Variants in NRXN1 observed in about 807,000 individuals in gnomAD.
NRXN1 encodes the protein neurexin-1.
Under a neutral mutation model 150.9 loss-of-function variants are expected in NRXN1, and 39 were observed. The ratio of observed to expected loss-of-function variants is 0.26; its 90% CI spans 0.20 to 0.34. The LOEUF is 0.34. Among genes scored for constraint, NRXN1 ranks in the 10% least tolerant of loss-of-function variants. The pLI is 1.00. For missense variants in NRXN1, 1,815 were observed against 1,949.9 expected (o/e 0.93, Z 1.30); for synonymous variants, 924 against 757.0 (o/e 1.22, Z -3.62).
intron 17 of NRXN1, among the ~76,000 whole-genome samples, chr2:50,407,858 CTGTTA>C (rs1286303266): frequency 3.9e-5 from 6 of 152,232 alleles, no homozygotes; most frequent in Non-Finnish European, 7.4e-5. Context: ...TTCAAGTATT[CTGTTA>C]TAAGTAACAG....
intron 5 of NRXN1, among the ~76,000 whole-genome samples, chr2:50,893,827 C>T (rs569127443): frequency 1.3e-5 from 2 of 152,188 alleles, no homozygotes; most frequent in South Asian, 4.1e-4. Context: ...TGTTCAATTT[C>T]CACCTATGAG....
chr2:50,730,672 C>CTTTTTTTTTTTTTTTTTT (rs56042523), intron 5 of NRXN1, among the ~76,000 whole-genome samples: 2 of 122,026 alleles, frequency 1.6e-5, no homozygotes, highest in Non-Finnish European at 3.3e-5. Flanking sequence ...TTCTTGTTTT[C>CTTTTTTTTTTTTTTTTTT]TTTTTTTTTT....
chr2:50,523,060 TCATTGC>T (rs1291430424), intron 12 of NRXN1, among the ~76,000 whole-genome samples: 1 of 152,086 alleles, frequency 6.6e-6, no homozygotes, highest in African/African-American at 2.4e-5. Flanking sequence ...TTCTAAAGAC[TCATTGC>T]CATGTGCCAA....
At chr2:50,092,347 T>C (rs2152698717) in intron 18 of NRXN1, among the ~76,000 whole-genome samples, 1 of 152,310 alleles carries the variant, frequency 6.6e-6, no homozygotes, top group East Asian at 1.9e-4. Context: ...AAGCATTCTT[T>C]AACAGGACTG....
chr2:50,403,353 T>C (rs1374640543), intron 17 of NRXN1, among the ~76,000 whole-genome samples: 2 of 152,090 alleles, frequency 1.3e-5, no homozygotes, highest in African/African-American at 4.8e-5. Context: ...TGGGAGCTTA[T>C]TAGAAATAAG....
intron 5 of NRXN1, among the ~76,000 whole-genome samples, chr2:50,727,215 A>G (rs561962134): frequency 7.9e-5 from 12 of 152,088 alleles, no homozygotes; most frequent in African/African-American, 2.7e-4. Flanking sequence ...ATTATATTTA[A>G]TTTTTTTTCC....
intron 18 of NRXN1, among the ~76,000 whole-genome samples, chr2:50,218,806 T>C (rs564105257): frequency 2.6e-5 from 4 of 152,142 alleles, no homozygotes; most frequent in East Asian, 1.9e-4. Context: ...TTCAACTTTG[T>C]ACCCAGTGAC....
At chr2:50,049,972 A>G (rs1013511811) in intron 21 of NRXN1, among the ~76,000 whole-genome samples, 1 of 151,920 alleles carries the variant, frequency 6.6e-6, no homozygotes, top group African/African-American at 2.4e-5. Flanking sequence ...AGTAAAATGA[A>G]TTTTATAAAT....
intron 21 of NRXN1, among the ~76,000 whole-genome samples, chr2:50,038,194 T>A (rs143548801): frequency 8.5e-5 from 13 of 152,312 alleles, no homozygotes; most frequent in African/African-American, 3.1e-4. Context: ...ATCCCTCTAC[T>A]CTGTGACATT....
chr2:50,378,343 T>C (rs928028660), intron 17 of NRXN1, among the ~76,000 whole-genome samples: 1 of 152,150 alleles, frequency 6.6e-6, no homozygotes, highest in East Asian at 1.9e-4. Context: ...AAACTCATCG[T>C]AAGTTGAAAA....
intron 2 of NRXN1, among the ~76,000 whole-genome samples, chr2:50,943,508 A>G (rs1239817489): frequency 6.6e-6 from 1 of 152,212 alleles, no homozygotes; most frequent in East Asian, 1.9e-4. Flanking sequence ...GCTATCTAAT[A>G]GCACCTTCTA....
chr2:50,727,818 G>A (rs934647062), intron 5 of NRXN1, among the ~76,000 whole-genome samples: 1 of 152,090 alleles, frequency 6.6e-6, no homozygotes, highest in Non-Finnish European at 1.5e-5. Flanking sequence ...CAGGGGTTTT[G>A]AATAGAGAAA....
intron 2 of NRXN1, among the ~76,000 whole-genome samples, chr2:50,962,927 G>C (rs1693442909): frequency 6.6e-6 from 1 of 151,588 alleles, no homozygotes; most frequent in East Asian, 1.9e-4. Flanking sequence ...ATACAGCCAA[G>C]ATCATCAGAA....
intron 8 of NRXN1, among the ~76,000 whole-genome samples, chr2:50,598,799 C>T (rs528273669): frequency 6.7e-6 from 1 of 150,056 alleles, no homozygotes; most frequent in Admixed American, 6.7e-5. Flanking sequence ...TCTGTGTTGC[C>T]CAGGCTGGAG....
intron 17 of NRXN1, among the ~76,000 whole-genome samples, chr2:50,393,366 C>T (rs1306346317): frequency 1.3e-5 from 2 of 151,958 alleles, no homozygotes; most frequent in Non-Finnish European, 2.9e-5. Context: ...AATTTATCTG[C>T]TTGCTGAAAT....
intron 5 of NRXN1, among the ~76,000 whole-genome samples, chr2:50,907,241 T>C (rs1159687193): frequency 6.6e-6 from 1 of 151,888 alleles, no homozygotes; most frequent in African/African-American, 2.4e-5. Flanking sequence ...CCTCAGTCTA[T>C]TACCATTAGA....
At chr2:50,292,980 T>C (rs1382588156) in intron 17 of NRXN1, among the ~76,000 whole-genome samples, 1 of 152,200 alleles carries the variant, frequency 6.6e-6, no homozygotes, top group African/African-American at 2.4e-5. Flanking sequence ...TGGTTCGATA[T>C]AAAGTGACAC....
intron 5 of NRXN1, among the ~76,000 whole-genome samples, chr2:50,658,131 C>T (rs1686760721): frequency 6.6e-6 from 1 of 151,924 alleles, no homozygotes; most frequent in African/African-American, 2.4e-5. Flanking sequence ...TGTGAAAGTG[C>T]TTGGCTTTAA....
chr2:50,359,660 T>C lies in NRXN1; in HGVS notation c.3364+105782A>G, dbSNP rs533329739. Among the ~76,000 whole-genome samples, 15 of 152,156 alleles carry C rather than the reference T, an allele frequency of 9.9e-5. No homozygotes were observed. The South Asian group carries it at 3.1e-3, about 32-fold the overall frequency. On this transcript the variant is annotated intron_variant, in intron 17 of 22. Coordinates refer to ENST00000401669, the MANE Select transcript of NRXN1 (RefSeq NM_001330078.2). ...GTCTACCTGAAAGTGAAGGGGATAA[T>C]GGAACCAAGTTGGAAAACACACTTC... is the stretch of plus-strand genomic sequence containing the variant.
Sources: allele counts gnomAD v4.1 joint callset (sites outside exome capture counted in the v4.1 genomes callset), GRCh38; gene constraint gnomAD v4.1.1; transcripts MANE v1.5; gene names NCBI Gene and HGNC (gene_info 2026-07-23, HGNC 2026-07-21).